SPATA31G1: variants seen among roughly 807,000 people sequenced by gnomAD.
The protein encoded by SPATA31G1 is SPATA31 subfamily G member 1.
At chr9:35,044,138 GA>G in the SPATA31G1 span, 7 of 1,614,126 alleles carry the variant, frequency 4.3e-6, no homozygotes, top group Non-Finnish European at 5.9e-6. Flanking sequence ...CCATGGGGCA[GA>G]AAGAGAACCT....
chr9:35,043,830 G>GA, the SPATA31G1 span: 1 of 1,614,050 alleles, frequency 6.2e-7, no homozygotes, highest in African/African-American at 1.3e-5. Context: ...ACTCCAGAGA[G>GA]AGAGTTCCCT....
At chr9:35,045,101 A>C in the SPATA31G1 span, 2 of 1,613,560 alleles carry the variant, frequency 1.2e-6, no homozygotes, top group East Asian at 4.5e-5. Context: ...ACTTCTGGGG[A>C]CTCCCTTCCT....
chr9:35,043,487 C>T, the SPATA31G1 span: 1 of 1,614,188 alleles, frequency 6.2e-7, no homozygotes, highest in Non-Finnish European at 8.5e-7. Flanking sequence ...CACTACTCCT[C>T]CATCTGAGGC....
At chr9:35,044,792 G>A in the SPATA31G1 span, 1 of 1,614,166 alleles carries the variant, frequency 6.2e-7, no homozygotes, top group Non-Finnish European at 8.5e-7. Context: ...CCAGCCCTCT[G>A]GCAGTGGATC....
the SPATA31G1 span, chr9:35,043,281 T>C: frequency 1.2e-6 from 2 of 1,614,042 alleles, no homozygotes; most frequent in African/African-American, 2.7e-5. Context: ...AGGTGGCCCC[T>C]CTCCTCTGAA....
chr9:35,042,157 GAGA>G, the SPATA31G1 span: 1 of 1,484,442 alleles, frequency 6.7e-7, no homozygotes. Context: ...TAAATTCAGG[GAGA>G]AGGCTGTTAA....
At chr9:35,044,498 TCA>T in the SPATA31G1 span, 1 of 1,614,052 alleles carries the variant, frequency 6.2e-7, no homozygotes. Flanking sequence ...TGTCTGATTC[TCA>T]GTCTATTGTA....
chr9:35,045,396 A>C, the SPATA31G1 span: 1 of 1,614,080 alleles, frequency 6.2e-7, no homozygotes, highest in Non-Finnish European at 8.5e-7. Context: ...AGAACCCTCA[A>C]ACTCTAAGGT....
the SPATA31G1 span, chr9:35,045,146 C>T: frequency 1.2e-6 from 2 of 1,614,124 alleles, no homozygotes; most frequent in Non-Finnish European, 1.7e-6. Context: ...CCAATCCATG[C>T]CCCCACTCTT....
the SPATA31G1 span, chr9:35,042,422 G>T: frequency 6.2e-7 from 1 of 1,614,124 alleles, no homozygotes; most frequent in Non-Finnish European, 8.5e-7. Flanking sequence ...TTCAGAGATG[G>T]TGGCAGCTTG....
At chr9:35,041,111 A>G in the SPATA31G1 span, 1 of 454,942 alleles carries the variant, frequency 2.2e-6, no homozygotes, top group South Asian at 1.6e-5. Flanking sequence ...AGGCAAAGGC[A>G]GAGAACAAAG....
the SPATA31G1 span, chr9:35,042,029 C>T: frequency 8.1e-6 from 5 of 616,916 alleles, no homozygotes; most frequent in South Asian, 9.0e-5. Flanking sequence ...GTGCTAGAAT[C>T]CATGTACTTA....
the SPATA31G1 span, chr9:35,043,490 T>A: frequency 1.1e-5 from 18 of 1,614,022 alleles, no homozygotes; most frequent in Non-Finnish European, 1.4e-5. Flanking sequence ...TACTCCTCCA[T>A]CTGAGGCCCT....
At chr9:35,041,409 T>C in the SPATA31G1 span, 2 of 206,762 alleles carry the variant, frequency 9.7e-6, no homozygotes, top group African/African-American at 4.7e-5. Flanking sequence ...ACCTCTACTT[T>C]ACTTTTTACA....
the SPATA31G1 span, chr9:35,044,466 G>A: frequency 1.2e-6 from 2 of 1,614,166 alleles, no homozygotes; most frequent in Non-Finnish European, 1.7e-6. Flanking sequence ...AGACCTGCAT[G>A]GAGCCAGCCC....
chr9:35,045,269 G>T, the SPATA31G1 span: 10 of 1,614,076 alleles, frequency 6.2e-6, no homozygotes, highest in South Asian at 9.9e-5. Context: ...CTGGCAGGGC[G>T]GAACAAGGGT....
At chr9:35,045,354 G>A in the SPATA31G1 span, 3 of 1,614,090 alleles carry the variant, frequency 1.9e-6, no homozygotes, top group East Asian at 2.2e-5. Context: ...ACACATGGAG[G>A]CTGGTGTGGA....
chr9:35,042,125 T>TA, the SPATA31G1 span: 1 of 1,403,928 alleles, frequency 7.1e-7, no homozygotes, highest in Non-Finnish European at 9.4e-7. Flanking sequence ...AATTGCCTGA[T>TA]AGAGGAAATT....
chr9:35,045,694 G>T, the SPATA31G1 span: 16 of 1,614,190 alleles, frequency 9.9e-6, no homozygotes, highest in South Asian at 1.3e-4. Flanking sequence ...CCAGAGGCAG[G>T]GCGAAGAGCA....
Sources: allele counts gnomAD v4.1 joint callset, GRCh38; gene constraint gnomAD v4.1.1; transcripts MANE v1.5; gene names NCBI Gene and HGNC (gene_info 2026-07-23, HGNC 2026-07-21).